The following RARB variants were observed in gnomAD, a reference collection of about 807,000 sequenced individuals.
The protein encoded by RARB is HBV-activated protein.
A neutral mutation model predicts 51.9 loss-of-function variants in RARB; 17 were observed. That is an observed-to-expected ratio of 0.33 (90% confidence interval 0.22 to 0.49). The LOEUF (loss-of-function observed/expected upper bound fraction) is 0.49, where lower values mean the gene tolerates loss of function less well. RARB is among the 20% of genes least tolerant of loss of function. RARB has a pLI of 0.99. For missense variants in RARB, 369 were observed against 550.8 expected (o/e 0.67, Z 3.30); for synonymous variants, 215 against 195.4 (o/e 1.10, Z -0.84).
chr3:25,558,529 CTTTTTT>C (rs55699410), intron 3 of RARB, among the ~76,000 whole-genome samples: 1 of 129,552 alleles, frequency 7.7e-6, no homozygotes, highest in Non-Finnish European at 1.6e-5. Context: ...GTTCCTGGCC[CTTTTTT>C]TTTTTTTTTT....
chr3:25,157,635 G>A (rs1006080272), intron 4 of RARB, among the ~76,000 whole-genome samples: 6 of 152,198 alleles, frequency 3.9e-5, no homozygotes, highest in African/African-American at 7.2e-5. Flanking sequence ...GGCCTCAAGC[G>A]ATCTGCCTGC....
chr3:25,274,100 A>G (rs1703320924), intron 5 of RARB, among the ~76,000 whole-genome samples: 1 of 152,196 alleles, frequency 6.6e-6, no homozygotes, highest in South Asian at 2.1e-4. Context: ...TATATAATTT[A>G]AAACCTTTTG....
intron 2 of RARB, among the ~76,000 whole-genome samples, chr3:25,496,279 T>C (rs183491786): frequency 1.8e-4 from 28 of 152,320 alleles, no homozygotes; most frequent in African/African-American, 6.5e-4. Flanking sequence ...TTATTAGGTG[T>C]TGAAAAATTG....
At chr3:25,026,519 A>G (rs1027571133) in intron 2 of RARB, among the ~76,000 whole-genome samples, 5 of 152,180 alleles carry the variant, frequency 3.3e-5, no homozygotes, top group Admixed American at 3.3e-4. Context: ...TTGGGCATCC[A>G]AATTTCCTAT....
At chr3:25,402,603 A>G (rs1707293196) in intron 5 of RARB, among the ~76,000 whole-genome samples, 1 of 152,250 alleles carries the variant, frequency 6.6e-6, no homozygotes, top group Non-Finnish European at 1.5e-5. Flanking sequence ...ACATATACAC[A>G]ATGGAGTACT....
At chr3:25,587,490 G>C (rs973255781) in intron 5 of RARB, among the ~76,000 whole-genome samples, 2 of 152,144 alleles carry the variant, frequency 1.3e-5, no homozygotes, top group African/African-American at 4.8e-5. Flanking sequence ...AGTTAAAATA[G>C]ATTATTAAAA....
chr3:25,391,055 C>T (rs113537017), intron 5 of RARB, among the ~76,000 whole-genome samples: 5 of 152,152 alleles, frequency 3.3e-5, no homozygotes, highest in Non-Finnish European at 7.3e-5. Context: ...ACGCCCCAAC[C>T]TTTCCCCCAG....
intron 2 of RARB, among the ~76,000 whole-genome samples, chr3:24,911,515 A>G (rs144686066): frequency 9.7e-4 from 148 of 152,292 alleles, no homozygotes; most frequent in Non-Finnish European, 1.6e-3. Context: ...CATAAATGTT[A>G]CCTAATGTCA....
intron 5 of RARB, among the ~76,000 whole-genome samples, chr3:25,348,163 C>G (rs986164981): frequency 2.6e-5 from 4 of 152,154 alleles, no homozygotes; most frequent in Admixed American, 6.5e-5. Flanking sequence ...GAGTTTAAAT[C>G]TTGGCCTTAC....
At chr3:25,209,723 T>G (rs1198208387) in intron 5 of RARB, among the ~76,000 whole-genome samples, 2 of 151,954 alleles carry the variant, frequency 1.3e-5, no homozygotes, top group Non-Finnish European at 2.9e-5. Context: ...ACCATGTCAC[T>G]TTGAAAATAA....
At chr3:25,086,603 G>A (rs566269459) in intron 3 of RARB, among the ~76,000 whole-genome samples, 2 of 152,122 alleles carry the variant, frequency 1.3e-5, no homozygotes, top group South Asian at 4.2e-4. Context: ...TTACAGCTTG[G>A]TTTTATGTGT....
chr3:25,307,319 G>A (rs534832040), intron 5 of RARB, among the ~76,000 whole-genome samples: 54 of 152,004 alleles, frequency 3.6e-4, no homozygotes, highest in East Asian at 3.9e-4. Context: ...CCTAGGAGGC[G>A]GAGGTTGCAG....
chr3:25,363,101 G>C (rs1706003825), intron 5 of RARB, among the ~76,000 whole-genome samples: 1 of 152,166 alleles, frequency 6.6e-6, no homozygotes, highest in Admixed American at 6.5e-5. Flanking sequence ...AAAACGAAGA[G>C]TGCAAAATTG....
At chr3:25,451,687 T>A (rs13070407) in intron 1 of RARB, among the ~76,000 whole-genome samples, 1 of 152,064 alleles carries the variant, frequency 6.6e-6, no homozygotes, top group Non-Finnish European at 1.5e-5. Flanking sequence ...ATAATTTCAT[T>A]GTTGTCTTCC....
At chr3:25,207,064 G>A (rs1218560665) in intron 5 of RARB, among the ~76,000 whole-genome samples, 3 of 152,146 alleles carry the variant, frequency 2.0e-5, no homozygotes, top group African/African-American at 7.2e-5. Context: ...GAATCATGAG[G>A]TTAAGATAAT....
chr3:25,180,508 G>T (rs370471866), intron 5 of RARB, among the ~76,000 whole-genome samples: 1 of 152,126 alleles, frequency 6.6e-6, no homozygotes, highest in African/African-American at 2.4e-5. Context: ...TTTCAAATAG[G>T]TTATATTCAG....
intron 3 of RARB, among the ~76,000 whole-genome samples, chr3:25,569,528 A>G (rs945614989): frequency 6.6e-6 from 1 of 152,192 alleles, no homozygotes; most frequent in Admixed American, 6.5e-5. Context: ...AAGCTCTCCA[A>G]ACAACTGACG....
intron 5 of RARB, among the ~76,000 whole-genome samples, chr3:25,366,998 A>G (rs1706141369): frequency 6.6e-6 from 1 of 152,110 alleles, no homozygotes; most frequent in African/African-American, 2.4e-5. Context: ...AAAGGAGAGG[A>G]AAGGATGACC....
At chr3:24,907,764 A>T (rs1440336711) in intron 2 of RARB, among the ~76,000 whole-genome samples, 1 of 152,178 alleles carries the variant, frequency 6.6e-6, no homozygotes, top group Non-Finnish European at 1.5e-5. Context: ...TATCTAGTAA[A>T]CCCTAACTAA....
Sources: allele counts gnomAD v4.1 joint callset (sites outside exome capture counted in the v4.1 genomes callset), GRCh38; gene constraint gnomAD v4.1.1; transcripts MANE v1.5; gene names NCBI Gene and HGNC (gene_info 2026-07-23, HGNC 2026-07-21).